The following EP400 variants were observed in gnomAD, a reference collection of about 807,000 sequenced individuals.
The protein encoded by EP400 is E1A binding protein p400, also known as E1A-binding protein p400.
In EP400, 105 loss-of-function variants were observed where a neutral mutation model predicts 354.1. That is an observed-to-expected ratio of 0.30 (90% confidence interval 0.25 to 0.35). The LOEUF (loss-of-function observed/expected upper bound fraction) is 0.35. Among genes scored for constraint, EP400 ranks in the 10% least tolerant of loss-of-function variants. The probability of loss-of-function intolerance (pLI) is 1.00; values close to 1 mark genes in which losing one functional copy is unlikely to be tolerated. For synonymous variants in EP400, 1,646 were observed against 1,716.9 expected (o/e 0.96, Z 1.02); for missense variants, 3,280 against 4,121.0 (o/e 0.80, Z 5.59).
chr12:132,000,034 T>G (rs1272370446), intron 12 of EP400, among the ~76,000 whole-genome samples: 1 of 151,760 alleles, frequency 6.6e-6, no homozygotes, highest in Non-Finnish European at 1.5e-5. Flanking sequence ...TTGTTTCTGC[T>G]CGTAGTATTT....
intron 29 of EP400, among the ~76,000 whole-genome samples, chr12:132,030,599 G>A (rs1894455934): frequency 6.6e-6 from 1 of 152,214 alleles, no homozygotes; most frequent in Non-Finnish European, 1.5e-5. Flanking sequence ...AACTAGTATA[G>A]TTCTAGAAGG....
intron 51 of EP400, among the ~76,000 whole-genome samples, chr12:132,071,724 C>T (rs933706330): frequency 3.3e-5 from 5 of 152,286 alleles, no homozygotes; most frequent in East Asian, 3.9e-4. Context: ...CTGCTGCCCA[C>T]GGCTCCTGGC....
chr12:132,003,170 A>C (rs1275455829), intron 12 of EP400, among the ~76,000 whole-genome samples: 1 of 150,554 alleles, frequency 6.6e-6, no homozygotes, highest in Non-Finnish European at 1.5e-5. Context: ...ACATAGCAAG[A>C]CCCCATCTCT....
intron 47 of EP400, among the ~76,000 whole-genome samples, chr12:132,063,349 C>G (rs1449734035): frequency 2.0e-5 from 3 of 152,126 alleles, no homozygotes; most frequent in Non-Finnish European, 4.4e-5. Context: ...CCCGTCTCTA[C>G]TAGAAATACA....
In EP400 at chr12:132,025,527, T is replaced by C; in HGVS notation, c.4856-119T>C. The C allele has an allele frequency of 8.3e-7, 1 of 1,212,016 alleles. No homozygotes were observed. The highest frequency in any genetic ancestry group is 1.1e-6 in the Non-Finnish European group (1 of 897,390). 75.1% of individuals were successfully genotyped at this position (1,212,016 alleles called of 1,614,324 possible). A position where few individuals can be genotyped will look rare whatever the true frequency, so the allele number is the denominator to read the frequency against. ...GTAACTGAACTTTGCATTGATTTTT[T>C]TGTGTAGATTTGATTTTCAGTTTGT... On this transcript the variant is annotated intron_variant, in intron 24 of 52. Coordinates refer to ENST00000389561, the MANE Select transcript of EP400 (RefSeq NM_015409.5). This position sits in a 1 kb window ranked among gnomAD's most constrained non-coding sequence, Gnocchi z 4.1.
chr12:132,032,205 T>TG (rs1489340099), intron 30 of EP400, 56 bp downstream of exon 30: 13 of 1,544,054 alleles, frequency 8.4e-6, no homozygotes, highest in Non-Finnish European at 1.1e-5. Flanking sequence ...CATATACAGG[T>TG]GAGGGCCTGC....
intron 21 of EP400, among the ~76,000 whole-genome samples, chr12:132,019,520 ATTG>A (rs1894054100): frequency 6.6e-6 from 1 of 152,020 alleles, no homozygotes. Context: ...CCTGGGCAAC[ATTG>A]GGAGACCCTG....
At chr12:131,956,203 G>C (rs189139602) in intron 1 of EP400, among the ~76,000 whole-genome samples, 417 of 152,286 alleles carry the variant, frequency 2.7e-3, no homozygotes, top group South Asian at 5.2e-3. Context: ...TGTTGTGGGT[G>C]TGTCAGTGGT....
rs117128459 is a variant in EP400 at position 132,022,450 on chromosome 12, C to T, written c.4690+1129C>T. Among the ~76,000 whole-genome samples the T allele has an allele frequency of 7.1e-3, 1,086 of 152,166 alleles. 35 individuals carry two copies. The South Asian group carries it at 0.094, about 13-fold the overall frequency. On this transcript the variant is annotated intron_variant, in intron 23 of 52. Coordinates refer to ENST00000389561, the MANE Select transcript of EP400 (RefSeq NM_015409.5). ...CTCTAGACATTTTTCTAGCCTCTTA[C>T]TAACTATTCTTTTTATCATATCACT...
chr12:132,079,153 G>A lies in EP400; in HGVS notation c.*1480G>A, dbSNP rs1404092916. 6.6e-6 allele frequency: 1 copy of A among 152,224 alleles called. No individual in the cohort carries two copies. Among genetic ancestry groups the A allele is most frequent in the African/African-American group, 2.4e-5 (1 of 41,454 alleles). The allele number at this position is 152,224 out of a possible 1,614,324, so 9.4% of individuals were successfully genotyped here. On this transcript the variant is annotated 3_prime_UTR_variant, in exon 53 of 53. Transcript: ENST00000389561. ...CTCACTTTAAGTGACATTGAGGAAG[G>A]TATTCTGTCCCACAGGTTTCTGTGG...
chr12:131,977,288 C>G (rs1482402808), intron 2 of EP400, among the ~76,000 whole-genome samples: 2 of 151,842 alleles, frequency 1.3e-5, no homozygotes, highest in Non-Finnish European at 2.9e-5. Flanking sequence ...AGGCACCCGT[C>G]ACCGCGTCTG....
intron 2 of EP400, among the ~76,000 whole-genome samples, chr12:131,973,074 A>G (rs1281214982): frequency 6.6e-6 from 1 of 152,224 alleles, no homozygotes; most frequent in Non-Finnish European, 1.5e-5. Flanking sequence ...GTTGAAACAA[A>G]TGAATTTATA....
chr12:132,045,705 T>C (rs1160799397), intron 38 of EP400, 22 bp from the exon 39 acceptor site: 2 of 1,613,572 alleles, frequency 1.2e-6, no homozygotes, highest in Non-Finnish European at 1.7e-6. Flanking sequence ...TCACCTGTTT[T>C]ACCTGAAATC....
chr12:131,991,608 T>G (rs962454365), intron 10 of EP400, 152 bp downstream of exon 10: 1 of 696,772 alleles, frequency 1.4e-6, no homozygotes, highest in Non-Finnish European at 2.3e-6. Context: ...AGAGACAGAG[T>G]CTTGCTCTGT....
chr12:132,026,702 A>G (rs1894317752), intron 25 of EP400, among the ~76,000 whole-genome samples: 2 of 152,098 alleles, frequency 1.3e-5, no homozygotes, highest in South Asian at 4.2e-4. Flanking sequence ...AGGCCCCAGT[A>G]CCAACTGGAG....
At chr12:132,062,431 C>T (rs1264790926) in intron 46 of EP400, 35 bp from the exon 47 acceptor site, 7 of 1,611,892 alleles carry the variant, frequency 4.3e-6, no homozygotes, top group African/African-American at 2.7e-5. Flanking sequence ...GGGCGAGTAT[C>T]CCTGTCCAGA....
At chr12:132,037,518 G>GGGC (rs1298048606) in intron 30 of EP400, among the ~76,000 whole-genome samples, 164 bp from the exon 31 acceptor site, 1 of 152,202 alleles carries the variant, frequency 6.6e-6, no homozygotes, top group Non-Finnish European at 1.5e-5. Context: ...AAGATTGGAG[G>GGGC]GGCTGGCTGA....
chr12:131,959,890 G>A (rs1376391620), intron 1 of EP400, among the ~76,000 whole-genome samples: 3 of 152,208 alleles, frequency 2.0e-5, no homozygotes, highest in Non-Finnish European at 4.4e-5. Context: ...AGTAGCCCCG[G>A]GCCTGACACA....
Position 132,076,738 on chromosome 12 carries a change from TTAA to T in EP400, c.9099+150_9099+152del, listed in dbSNP as rs2136627830. The T allele has an allele frequency of 1.2e-5, 9 of 741,302 alleles. No homozygotes were observed. In the South Asian group the frequency reaches 1.3e-4, roughly 11 times the overall value. The allele number at this position is 741,302 out of a possible 1,614,324, so 45.9% of individuals were successfully genotyped here. A position where few individuals can be genotyped will look rare whatever the true frequency, so the allele number is the denominator to read the frequency against. ...ACTTCAGGGGAAAAACTAGATACAC[TTAA>T]TAATGAGAAGAGTGAACAAGCGTTT... On this transcript the variant is annotated intron_variant, in intron 52 of 52. Coordinates refer to ENST00000389561, the MANE Select transcript of EP400 (RefSeq NM_015409.5).
Sources: gnomAD v4.1 joint callset for allele counts (sites outside exome capture counted in the v4.1 genomes callset) on GRCh38, gnomAD v4.1.1 for gene constraint, Gnocchi (gnomAD v3.1) non-coding constraint, MANE v1.5 for transcripts, NCBI Gene and HGNC (gene_info 2026-07-23, HGNC 2026-07-21) for gene names.